Variants in HDAC9 observed in about 807,000 individuals in gnomAD.
HDAC9 encodes MEF-2 interacting transcription repressor (MITR) protein.
Under a neutral mutation model 139.4 loss-of-function variants are expected in HDAC9, and 41 were observed. The observed-to-expected ratio is 0.29, with a 90% CI of 0.23 to 0.38. The LOEUF is 0.38. Ranked by LOEUF, HDAC9 falls within the 10% of genes least tolerant of loss-of-function variation. The pLI, the probability that HDAC9 is intolerant of heterozygous loss-of-function variation, is 1.00. For synonymous variants in HDAC9, 517 were observed against 476.2 expected (o/e 1.09, Z -1.12); for missense variants, 1,147 against 1,297.0 (o/e 0.88, Z 1.78).
At chr7:18,594,310 T>A (rs1474532913) in intron 6 of HDAC9, among the ~76,000 whole-genome samples, 2 of 152,090 alleles carry the variant, frequency 1.3e-5, no homozygotes, top group Non-Finnish European at 2.9e-5. Context: ...AAAATAAAAA[T>A]TTCGTATCTC....
intron 12 of HDAC9, among the ~76,000 whole-genome samples, chr7:18,716,055 A>G (rs1784674716): frequency 6.6e-6 from 1 of 152,218 alleles, no homozygotes; most frequent in Admixed American, 6.5e-5. Flanking sequence ...GACTCTAATT[A>G]TCAAAAGGGA....
intron 1 of HDAC9, among the ~76,000 whole-genome samples, chr7:18,410,509 T>G (rs1788444293): frequency 6.6e-6 from 1 of 152,192 alleles, no homozygotes; most frequent in African/African-American, 2.4e-5. Flanking sequence ...TAATTGTATA[T>G]GATAATAAGT....
intron 17 of HDAC9, among the ~76,000 whole-genome samples, chr7:18,800,377 C>A (rs533281816): frequency 1.3e-5 from 2 of 152,068 alleles, no homozygotes; most frequent in East Asian, 3.8e-4. Context: ...TTAAACTCAC[C>A]GTGTCATTTT....
intron 1 of HDAC9, among the ~76,000 whole-genome samples, chr7:18,138,389 A>T (rs902319120): frequency 6.6e-6 from 1 of 152,014 alleles, no homozygotes; most frequent in Non-Finnish European, 1.5e-5. Flanking sequence ...AATGAGATCT[A>T]GATTGCAAAT....
intron 2 of HDAC9, among the ~76,000 whole-genome samples, chr7:18,252,893 T>A (rs1795007984): frequency 6.6e-6 from 1 of 152,160 alleles, no homozygotes; most frequent in Admixed American, 6.5e-5. Context: ...CCCCATTAGC[T>A]ATTTCTTCGT....
At chr7:18,324,735 G>A (rs949583765) in intron 1 of HDAC9, among the ~76,000 whole-genome samples, 2 of 152,088 alleles carry the variant, frequency 1.3e-5, no homozygotes, top group African/African-American at 2.4e-5. Context: ...AAGCATTATT[G>A]TAGAGCATAA....
chr7:18,635,988 T>C (rs989368697), intron 8 of HDAC9, among the ~76,000 whole-genome samples: 6 of 152,110 alleles, frequency 3.9e-5, no homozygotes, highest in African/African-American at 1.2e-4. Flanking sequence ...AAATTATTTA[T>C]AAGTTATGAA....
At chr7:18,233,500 T>C (rs1190481004) in intron 2 of HDAC9, among the ~76,000 whole-genome samples, 2 of 151,516 alleles carry the variant, frequency 1.3e-5, no homozygotes, top group Non-Finnish European at 3.0e-5. Flanking sequence ...CATTAATCAC[T>C]AAACTATGGA....
intron 22 of HDAC9, among the ~76,000 whole-genome samples, chr7:18,928,347 A>C (rs982592812): frequency 1.3e-5 from 2 of 152,234 alleles, no homozygotes; most frequent in South Asian, 4.1e-4. Context: ...TAAAAGAAAA[A>C]AGTTTATACA....
chr7:18,900,204 A>C (rs1170318888), intron 22 of HDAC9, among the ~76,000 whole-genome samples: 1 of 152,176 alleles, frequency 6.6e-6, no homozygotes, highest in Non-Finnish European at 1.5e-5. Flanking sequence ...ACATGCGCAC[A>C]CAGGTGCACA....
At chr7:18,947,473 C>T (rs559569556) in intron 23 of HDAC9, among the ~76,000 whole-genome samples, 90 of 151,706 alleles carry the variant, frequency 5.9e-4, no homozygotes, top group Non-Finnish European at 9.1e-4. Context: ...ATAAACTTTA[C>T]GTAAACATTT....
At chr7:18,098,107 A>G (rs939261090) in intron 1 of HDAC9, among the ~76,000 whole-genome samples, 11 of 152,248 alleles carry the variant, frequency 7.2e-5, no homozygotes, top group South Asian at 2.1e-4. Flanking sequence ...ATTACAACTC[A>G]GTCCTTACAT....
intron 22 of HDAC9, among the ~76,000 whole-genome samples, chr7:18,930,984 G>A (rs768830): frequency 0.83 from 125,927 of 152,130 alleles, 52,540 homozygotes; most frequent in Admixed American, 0.91. Flanking sequence ...GGTTTGTTCA[G>A]TAGTGACTTT....
chr7:18,676,930 T>G (rs1185344147), intron 12 of HDAC9, among the ~76,000 whole-genome samples: 1 of 151,944 alleles, frequency 6.6e-6, no homozygotes, highest in Non-Finnish European at 1.5e-5. Flanking sequence ...TAAAATGATA[T>G]TTTTGCTTTT....
intron 2 of HDAC9, among the ~76,000 whole-genome samples, chr7:18,584,177 G>A (rs1159936392): frequency 8.7e-6 from 1 of 114,432 alleles, no homozygotes; most frequent in East Asian, 2.7e-4. Flanking sequence ...GTCTCGCTCT[G>A]TCACCCAGGC....
intron 1 of HDAC9, among the ~76,000 whole-genome samples, chr7:18,362,398 A>G (rs191756512): frequency 6.6e-5 from 10 of 152,190 alleles, no homozygotes; most frequent in Non-Finnish European, 5.9e-5. Context: ...TAACTTAAAA[A>G]CAAGTTTCTT....
chr7:18,233,442 T>A (rs1353047725), intron 2 of HDAC9, among the ~76,000 whole-genome samples: 2 of 134,436 alleles, frequency 1.5e-5, no homozygotes, highest in Non-Finnish European at 3.4e-5. Context: ...TCTTACTTGG[T>A]TTAACGGATT....
At chr7:18,440,540 CA>C (rs1386047616) in intron 1 of HDAC9, among the ~76,000 whole-genome samples, 1 of 152,090 alleles carries the variant, frequency 6.6e-6, no homozygotes, top group African/African-American at 2.4e-5. Context: ...GTGATTCCCC[CA>C]TAAGTGAATA....
At chr7:18,137,089 G>T (rs1405479517) in intron 1 of HDAC9, among the ~76,000 whole-genome samples, 1 of 145,512 alleles carries the variant, frequency 6.9e-6, no homozygotes. Context: ...GTTCACTCAT[G>T]ATTTGGCTCT....
Sources: allele counts gnomAD v4.1 joint callset (sites outside exome capture counted in the v4.1 genomes callset), GRCh38; gene constraint gnomAD v4.1.1; transcripts MANE v1.5; gene names NCBI Gene and HGNC (gene_info 2026-07-23, HGNC 2026-07-21).